The following GRB2 variants were observed in gnomAD, a reference collection of about 807,000 sequenced individuals.
GRB2 encodes the protein growth factor receptor bound protein 2.
In GRB2, 2 loss-of-function variants were observed where a neutral mutation model predicts 27.4. The ratio of observed to expected loss-of-function variants is 0.07; its 90% CI spans 0.03 to 0.23. GRB2 has a LOEUF of 0.23. Ranked by LOEUF, GRB2 falls within the 10% of genes least tolerant of loss-of-function variation. The probability of loss-of-function intolerance (pLI) is 1.00; values close to 1 mark genes in which losing one functional copy is unlikely to be tolerated. For missense variants in GRB2, 102 were observed against 282.4 expected, an observed-to-expected ratio of 0.36 and a Z score of 4.58; for synonymous variants, 94 against 99.6, an observed-to-expected ratio of 0.94 and a Z score of 0.33.
chr17:75,359,650 C>T, intron 2 of GRB2, among the ~76,000 whole-genome samples: 1 of 152,116 alleles, frequency 6.6e-6, no homozygotes, highest in Non-Finnish European at 1.5e-5. Flanking sequence ...TGCCTTCCTG[C>T]CTTGAACTCC....
At chr17:75,338,157 T>C (rs1313970230) in intron 2 of GRB2, among the ~76,000 whole-genome samples, 1 of 152,062 alleles carries the variant, frequency 6.6e-6, no homozygotes, top group East Asian at 1.9e-4. Flanking sequence ...CTTGAACCTC[T>C]GACCTCAGGT....
rs2079012208 is a variant in GRB2 at position 75,393,662 on chromosome 17, C to G, written c.-34G>C. ...CTGCTCAGTGCTCAGCAGCCTGAAG[C>G]AGGGGGAAGGGAGTCTTCCCTGCTG... On this transcript the variant is annotated 5_prime_UTR_variant, in exon 2 of 6. Coordinates refer to ENST00000316804, the MANE Select transcript of GRB2 (RefSeq NM_002086.5). 2 of 1,578,182 alleles carry G rather than the reference C, an allele frequency of 1.3e-6. No individual in the cohort carries two copies. Among genetic ancestry groups the G allele is most frequent in the South Asian group, 2.2e-5 (2 of 90,340 alleles).
At chr17:75,397,305 G>A (rs1002488773) in intron 1 of GRB2, among the ~76,000 whole-genome samples, 4 of 152,166 alleles carry the variant, frequency 2.6e-5, no homozygotes, top group Non-Finnish European at 5.9e-5. Flanking sequence ...TCTGAAAGCA[G>A]ACACAATGTA....
intron 2 of GRB2, chr17:75,339,075 G>C: frequency 7.4e-7 from 1 of 1,356,374 alleles, no homozygotes; most frequent in East Asian, 2.3e-5. Context: ...AGAGAATGCT[G>C]GCTATTAAAA....
chr17:75,368,958 C>T (rs181389328), intron 2 of GRB2, among the ~76,000 whole-genome samples: 139 of 152,244 alleles, frequency 9.1e-4, no homozygotes, highest in Middle Eastern at 3.4e-3. Context: ...TAGTTTAATC[C>T]TCACAATATC....
chr17:75,333,737 T>A (rs2078556847), intron 2 of GRB2, among the ~76,000 whole-genome samples: 1 of 152,166 alleles, frequency 6.6e-6, no homozygotes, highest in African/African-American at 2.4e-5. Flanking sequence ...TCCTACTCAG[T>A]TCAATAACCC....
Position 75,318,565 on chromosome 17 carries a change from G to A in GRB2, c.*1803C>T, listed in dbSNP as rs1219903880. The A allele has an allele frequency of 6.6e-6, 1 of 152,300 alleles. No individual in the cohort carries two copies. Among genetic ancestry groups the A allele is most frequent in the African/African-American group, 2.4e-5 (1 of 41,452 alleles). 9.4% of individuals were successfully genotyped at this position (152,300 alleles called of 1,614,324 possible). A position where few individuals can be genotyped will look rare whatever the true frequency, so the allele number is the denominator to read the frequency against. Reference sequence around the variant, plus strand: ...AGATTACAGGCACATCACCACAGGGGACCAGAAGTGGAGAGAAGACAGAGA... The same window carrying A: ...AGATTACAGGCACATCACCACAGGGAACCAGAAGTGGAGAGAAGACAGAGA... On this transcript the variant is annotated 3_prime_UTR_variant, in exon 6 of 6. Coordinates refer to ENST00000316804, the MANE Select transcript of GRB2 (RefSeq NM_002086.5).
chr17:75,392,507 T>C (rs1425723861), intron 2 of GRB2, among the ~76,000 whole-genome samples: 1 of 152,184 alleles, frequency 6.6e-6, no homozygotes, highest in Non-Finnish European at 1.5e-5. Flanking sequence ...GTAAAAAGAC[T>C]GCACGTCCTT....
At chr17:75,382,538 G>T (rs1034321667) in intron 2 of GRB2, among the ~76,000 whole-genome samples, 1 of 152,090 alleles carries the variant, frequency 6.6e-6, no homozygotes, top group Non-Finnish European at 1.5e-5. Context: ...GCTCAAAAAA[G>T]TTTCAGATTT....
chr17:75,375,396 A>AAG (rs1316915013), intron 2 of GRB2, among the ~76,000 whole-genome samples: 1 of 151,778 alleles, frequency 6.6e-6, no homozygotes, highest in Non-Finnish European at 1.5e-5. Context: ...GGAAAAAAAA[A>AAG]AGAGAGAAAG....
At chr17:75,361,587 T>C (rs756816009) in intron 2 of GRB2, among the ~76,000 whole-genome samples, 1 of 152,094 alleles carries the variant, frequency 6.6e-6, no homozygotes, top group Non-Finnish European at 1.5e-5. Context: ...CTTGCAAAAA[T>C]ACCAAATATG....
At chr17:75,349,508 CTTTTTTTT>C (rs36010389) in intron 2 of GRB2, among the ~76,000 whole-genome samples, 1 of 115,910 alleles carries the variant, frequency 8.6e-6, no homozygotes, top group African/African-American at 3.1e-5. Flanking sequence ...ATAACTCAGA[CTTTTTTTT>C]TTTTTTTTTT....
rs2078517794 is a variant in GRB2 at position 75,328,720 on chromosome 17, C to CCT, written c.177-2701_177-2700insAG. Among the ~76,000 whole-genome samples the CCT allele has an allele frequency of 1.3e-5, 2 of 151,982 alleles. 1 individual carries two copies. The highest frequency in any genetic ancestry group is 2.9e-5 in the Non-Finnish European group (2 of 68,006). Reference sequence around the variant, plus strand: ...TTGGGAGGCCGAGGCGGGCGGGTCACAAAGTCAGGAGATCGAGACCAACCT... The same window carrying CCT: ...TTGGGAGGCCGAGGCGGGCGGGTCACCTAAAGTCAGGAGATCGAGACCAACCT... On this transcript the variant is annotated intron_variant, in intron 3 of 5. Coordinates refer to ENST00000316804, the MANE Select transcript of GRB2 (RefSeq NM_002086.5).
At chr17:75,350,553 G>A (rs969435111) in intron 2 of GRB2, among the ~76,000 whole-genome samples, 4 of 152,072 alleles carry the variant, frequency 2.6e-5, no homozygotes, top group African/African-American at 9.7e-5. Context: ...GTGCAGTGGC[G>A]CGATCTCGGC....
chr17:75,371,616 G>A (rs1436447557), intron 2 of GRB2: 4 of 152,048 alleles, frequency 2.6e-5, no homozygotes, highest in Non-Finnish European at 4.4e-5. Context: ...AGGGGAACCC[G>A]AGGGAAAAGA....
chr17:75,358,709 A>C (rs1017065300), intron 2 of GRB2, among the ~76,000 whole-genome samples: 1 of 134,076 alleles, frequency 7.5e-6, no homozygotes, highest in Non-Finnish European at 1.7e-5. Flanking sequence ...CTAAAAAAAA[A>C]AAAAAAAAAA....
intron 2 of GRB2, among the ~76,000 whole-genome samples, chr17:75,333,499 G>C (rs1467047774): frequency 6.6e-6 from 1 of 152,120 alleles, no homozygotes; most frequent in African/African-American, 2.4e-5. Context: ...GGGAGAGAGA[G>C]GTGTCACAGC....
At chr17:75,362,664 T>C (rs2078791557) in intron 2 of GRB2, among the ~76,000 whole-genome samples, 1 of 152,226 alleles carries the variant, frequency 6.6e-6, no homozygotes. Flanking sequence ...ATTAGGTACA[T>C]GGTTTTTGCC....
chr17:75,400,896 C>T (rs2079059217), intron 1 of GRB2, among the ~76,000 whole-genome samples: 3 of 152,052 alleles, frequency 2.0e-5, no homozygotes, highest in South Asian at 4.1e-4. Flanking sequence ...TACACATATA[C>T]ACCCACACCC....
Sources: gnomAD v4.1 joint callset for allele counts (sites outside exome capture counted in the v4.1 genomes callset) on GRCh38, gnomAD v4.1.1 for gene constraint, MANE v1.5 for transcripts, NCBI Gene and HGNC (gene_info 2026-07-23, HGNC 2026-07-21) for gene names.